Variants in DLGAP2 observed in about 807,000 individuals in gnomAD.
The protein encoded by DLGAP2 is disks large-associated protein 2.
A neutral mutation model predicts 100.3 loss-of-function variants in DLGAP2; 26 were observed. The observed-to-expected ratio is 0.26, with a 90% CI of 0.19 to 0.36. The LOEUF is 0.36. Ranked by LOEUF, DLGAP2 falls within the 10% of genes least tolerant of loss-of-function variation. The pLI is 1.00. For synonymous variants in DLGAP2, 886 were observed against 630.1 expected (o/e 1.41, Z -6.08); for missense variants, 1,858 against 1,453.2 (o/e 1.28, Z -4.53).
At chr8:873,260 A>T (rs28612666) in intron 1 of DLGAP2, among the ~76,000 whole-genome samples, 47,143 of 151,866 alleles carry the variant, frequency 0.31, 7,530 homozygotes, top group Non-Finnish European at 0.34. Context: ...TTTGTATATG[A>T]TATCATGCCA....
At chr8:1,511,836 T>A (rs1380370821) in intron 4 of DLGAP2, among the ~76,000 whole-genome samples, 3 of 50,288 alleles carry the variant, frequency 6.0e-5, no homozygotes, top group African/African-American at 1.4e-4. Flanking sequence ...TGTAAGACAA[T>A]CAGTAGGTCA....
chr8:1,472,077 G>A (rs763655820), intron 3 of DLGAP2, among the ~76,000 whole-genome samples: 53 of 152,382 alleles, frequency 3.5e-4, no homozygotes, highest in South Asian at 2.1e-4. Context: ...ACGATTGAGC[G>A]TGGGAGTGAG....
intron 1 of DLGAP2, among the ~76,000 whole-genome samples, chr8:878,870 G>A (rs928444056): frequency 5.3e-5 from 8 of 152,194 alleles, no homozygotes; most frequent in East Asian, 1.9e-4. Context: ...CTTGGACTTC[G>A]CAGACACTAG....
chr8:740,843 TTAAA>T (rs1318479438), intron 1 of DLGAP2, among the ~76,000 whole-genome samples: 1 of 152,216 alleles, frequency 6.6e-6, no homozygotes, highest in Non-Finnish European at 1.5e-5. Flanking sequence ...ATGAAGTTGA[TTAAA>T]TATTCTATTT....
chr8:1,541,639 G>C (rs958894986), intron 4 of DLGAP2, among the ~76,000 whole-genome samples: 1 of 152,158 alleles, frequency 6.6e-6, no homozygotes, highest in Non-Finnish European at 1.5e-5. Flanking sequence ...CCCACGACTG[G>C]GAACCAGCAG....
intron 2 of DLGAP2, among the ~76,000 whole-genome samples, chr8:1,089,324 A>G (rs1031361580): frequency 3.9e-5 from 6 of 152,248 alleles, no homozygotes; most frequent in African/African-American, 1.2e-4. Context: ...TGGCACCACA[A>G]TATGAAAACA....
rs538879593 is a variant in DLGAP2 at position 1,544,231 on chromosome 8, C to T, written c.173-4395C>T. Among the ~76,000 whole-genome samples, 3 of 152,276 alleles carry T rather than the reference C, an allele frequency of 2.0e-5. No individual in the cohort carries two copies. The South Asian group carries it at 6.2e-4, about 32-fold the overall frequency. ...TTTTACCTCCTTGGTTAGGCGGTCC[C>T]AGGGACTTTATTCTTTTAGATGTTA... On this transcript the variant is annotated intron_variant, in intron 4 of 14. Transcript: ENST00000637795.
At chr8:1,085,797 C>G (rs573213087) in intron 2 of DLGAP2, among the ~76,000 whole-genome samples, 23 of 152,222 alleles carry the variant, frequency 1.5e-4, no homozygotes, top group African/African-American at 5.5e-4. Flanking sequence ...TTTTCTGTAT[C>G]TACAAGGAAT....
chr8:1,145,960 T>G (rs369804397), intron 2 of DLGAP2, among the ~76,000 whole-genome samples: 2 of 152,022 alleles, frequency 1.3e-5, no homozygotes, highest in African/African-American at 4.8e-5. Context: ...TTTTTATGGC[T>G]GCATAGTATT....
At chr8:1,311,703 TA>T (rs71190721) in intron 3 of DLGAP2, among the ~76,000 whole-genome samples, 91 of 146,814 alleles carry the variant, frequency 6.2e-4, no homozygotes, top group East Asian at 2.6e-3. Context: ...CTGTTCATGA[TA>T]AAAAAAAAAA....
intron 2 of DLGAP2, among the ~76,000 whole-genome samples, chr8:1,249,431 C>T (rs1157058483): frequency 6.6e-6 from 1 of 152,178 alleles, no homozygotes; most frequent in East Asian, 1.9e-4. Flanking sequence ...CTAAATACAA[C>T]TTTCTTCTGT....
chr8:1,334,240 G>A (rs566526669), intron 3 of DLGAP2, among the ~76,000 whole-genome samples: 1 of 152,334 alleles, frequency 6.6e-6, no homozygotes, highest in South Asian at 2.1e-4. Context: ...GCACACCTGA[G>A]CTGGTTAAGC....
chr8:1,362,738 C>T (rs1222262763), intron 3 of DLGAP2, among the ~76,000 whole-genome samples: 1 of 152,236 alleles, frequency 6.6e-6, no homozygotes, highest in South Asian at 2.1e-4. Context: ...GAGCCAAAGC[C>T]TTAGTGTCAA....
intron 8 of DLGAP2, among the ~76,000 whole-genome samples, chr8:1,654,638 G>T (rs1798241936): frequency 6.8e-6 from 1 of 147,580 alleles, no homozygotes; most frequent in Non-Finnish European, 1.5e-5. Context: ...TCCAGCCTGG[G>T]TGACAAGAGT....
At chr8:1,501,161 C>A (rs113589312) in intron 3 of DLGAP2, among the ~76,000 whole-genome samples, 1 of 152,262 alleles carries the variant, frequency 6.6e-6, no homozygotes, top group Non-Finnish European at 1.5e-5. Context: ...CATCTGTGGT[C>A]ACAATGCTGC....
At chr8:1,633,759 A>T (rs891172696) in intron 8 of DLGAP2, among the ~76,000 whole-genome samples, 6 of 152,238 alleles carry the variant, frequency 3.9e-5, no homozygotes, top group Admixed American at 3.3e-4. Context: ...GAGCTATAAA[A>T]AAACATAGTG....
chr8:1,593,633 C>A (rs1169869325), intron 6 of DLGAP2, among the ~76,000 whole-genome samples: 2 of 152,126 alleles, frequency 1.3e-5, no homozygotes, highest in South Asian at 2.1e-4. Flanking sequence ...CTGGCTTCTA[C>A]CTTCTCCCAG....
intron 5 of DLGAP2, among the ~76,000 whole-genome samples, chr8:1,559,970 CCCT>C (rs1802105002): frequency 6.6e-6 from 1 of 152,194 alleles, no homozygotes; most frequent in African/African-American, 2.4e-5. Flanking sequence ...AACACGTGTC[CCCT>C]CCACACTGGC....
intron 2 of DLGAP2, among the ~76,000 whole-genome samples, chr8:1,181,149 CTGTGCAAGGGCAGT>C (rs1797378078): frequency 1.8e-5 from 1 of 54,990 alleles, no homozygotes; most frequent in African/African-American, 8.1e-5. Flanking sequence ...GTGTGGGTGG[CTGTGCAAGGGCAGT>C]ACACTTACTG....
Sources: allele counts gnomAD v4.1 joint callset (sites outside exome capture counted in the v4.1 genomes callset), GRCh38; gene constraint gnomAD v4.1.1; transcripts MANE v1.5; gene names NCBI Gene and HGNC (gene_info 2026-07-23, HGNC 2026-07-21).